Variants in LRFN5 observed in about 807,000 individuals in gnomAD.
LRFN5 encodes the protein leucine rich repeat and fibronectin type III domain containing 5.
LRFN5 carries 24 observed loss-of-function variants against 45.6 expected under a neutral mutation model. The ratio of observed to expected loss-of-function variants is 0.53; its 90% CI spans 0.38 to 0.74. The LOEUF (loss-of-function observed/expected upper bound fraction) is 0.74. LRFN5 is among the 30% of genes least tolerant of loss of function. LRFN5 has a pLI of 0.00. For missense variants in LRFN5, 776 were observed against 861.5 expected (o/e 0.90, Z 1.24); for synonymous variants, 340 against 313.8 (o/e 1.08, Z -0.88).
At chr14:41,768,354 T>A (rs979383649) in intron 2 of LRFN5, among the ~76,000 whole-genome samples, 1 of 152,158 alleles carries the variant, frequency 6.6e-6, no homozygotes, top group Admixed American at 6.5e-5. Flanking sequence ...TGAGGTTAAT[T>A]GATTATAAAT....
intron 1 of LRFN5, among the ~76,000 whole-genome samples, chr14:41,621,323 C>G (rs180832173): frequency 2.1e-4 from 32 of 152,154 alleles, no homozygotes; most frequent in Admixed American, 1.3e-3. Context: ...CTTTCTTGAA[C>G]AGGGTGATTG....
At chr14:41,756,822 G>T (rs181165346) in intron 1 of LRFN5, among the ~76,000 whole-genome samples, 3 of 152,274 alleles carry the variant, frequency 2.0e-5, no homozygotes, top group Admixed American at 2.0e-4. Flanking sequence ...CCTTGGAGGA[G>T]GAGAGGTGCT....
At chr14:41,717,074 T>C (rs1273781773) in intron 1 of LRFN5, among the ~76,000 whole-genome samples, 3 of 152,304 alleles carry the variant, frequency 2.0e-5, no homozygotes, top group Middle Eastern at 6.8e-3. Flanking sequence ...AGGCTCATGA[T>C]AGCAATGGTC....
At chr14:41,710,418 G>A (rs959379928) in intron 1 of LRFN5, among the ~76,000 whole-genome samples, 2 of 151,778 alleles carry the variant, frequency 1.3e-5, no homozygotes, top group Admixed American at 6.6e-5. Flanking sequence ...AATACCTAAC[G>A]TGGTTATATC....
intron 1 of LRFN5, among the ~76,000 whole-genome samples, chr14:41,670,709 A>G (rs1881168512): frequency 1.3e-5 from 2 of 151,940 alleles, no homozygotes; most frequent in South Asian, 2.1e-4. Flanking sequence ...GGATTTATCC[A>G]TCATTTTTAT....
intron 2 of LRFN5, among the ~76,000 whole-genome samples, chr14:41,799,839 A>T (rs1485502548): frequency 6.6e-6 from 1 of 151,876 alleles, no homozygotes; most frequent in Non-Finnish European, 1.5e-5. Context: ...AATGGGTGGT[A>T]TTTAGTATTT....
intron 2 of LRFN5, among the ~76,000 whole-genome samples, chr14:41,827,121 G>A (rs1888325972): frequency 6.6e-6 from 1 of 151,992 alleles, no homozygotes; most frequent in Admixed American, 6.6e-5. Flanking sequence ...TATACCTGAA[G>A]GATAGAAATT....
chr14:41,681,397 G>A (rs1192243471), intron 1 of LRFN5, among the ~76,000 whole-genome samples: 1 of 152,092 alleles, frequency 6.6e-6, no homozygotes, highest in Non-Finnish European at 1.5e-5. Flanking sequence ...AACATAAAAT[G>A]TAGCTCCACT....
intron 1 of LRFN5, among the ~76,000 whole-genome samples, chr14:41,674,778 CG>C (rs1283813119): frequency 1.3e-5 from 2 of 151,002 alleles, no homozygotes; most frequent in African/African-American, 4.9e-5. Context: ...GGGTGGCTGC[CG>C]GGCGGAGAGG....
chr14:41,689,430 T>C (rs1329051991), intron 1 of LRFN5, among the ~76,000 whole-genome samples: 2 of 152,076 alleles, frequency 1.3e-5, no homozygotes, highest in African/African-American at 2.4e-5. Flanking sequence ...AAATCACTAC[T>C]GATCTTACAG....
At chr14:41,682,496 A>G (rs1304656374) in intron 1 of LRFN5, among the ~76,000 whole-genome samples, 1 of 152,136 alleles carries the variant, frequency 6.6e-6, no homozygotes, top group Non-Finnish European at 1.5e-5. Context: ...AATAAATGAA[A>G]TTGAAATGAA....
At chr14:41,753,413 C>G (rs2138849072) in intron 1 of LRFN5, among the ~76,000 whole-genome samples, 1 of 152,222 alleles carries the variant, frequency 6.6e-6, no homozygotes, top group African/African-American at 2.4e-5. Flanking sequence ...GAATGTTCTT[C>G]CATTTGTTTG....
intron 2 of LRFN5, among the ~76,000 whole-genome samples, chr14:41,852,198 C>T (rs1889291582): frequency 6.6e-6 from 1 of 151,772 alleles, no homozygotes; most frequent in Non-Finnish European, 1.5e-5. Context: ...TTAGAAAGTA[C>T]TCTATGAACA....
intron 1 of LRFN5, among the ~76,000 whole-genome samples, chr14:41,666,597 A>G (rs1463936932): frequency 6.6e-6 from 1 of 152,178 alleles, no homozygotes; most frequent in Non-Finnish European, 1.5e-5. Flanking sequence ...AATGCAAGAT[A>G]GAGTTAATTT....
chr14:41,625,430 G>C (rs531625486), intron 1 of LRFN5, among the ~76,000 whole-genome samples: 1 of 152,242 alleles, frequency 6.6e-6, no homozygotes, highest in Non-Finnish European at 1.5e-5. Context: ...TGCCACGGTT[G>C]TAAGTTTCCT....
intron 1 of LRFN5, among the ~76,000 whole-genome samples, chr14:41,716,022 C>T (rs1883479298): frequency 1.3e-5 from 2 of 152,202 alleles, no homozygotes; most frequent in South Asian, 4.1e-4. Flanking sequence ...AGGCTCAACA[C>T]CACGTGGAAG....
intron 2 of LRFN5, among the ~76,000 whole-genome samples, chr14:41,852,821 A>G (rs534105903): frequency 2.6e-5 from 4 of 152,002 alleles, no homozygotes; most frequent in Admixed American, 6.6e-5. Context: ...TTTTTCACCA[A>G]TGAAATGTCA....
At chr14:41,747,682 A>C (rs1884976666) in intron 1 of LRFN5, among the ~76,000 whole-genome samples, 6 of 152,036 alleles carry the variant, frequency 3.9e-5, no homozygotes, top group Admixed American at 3.9e-4. Flanking sequence ...AATCATGAAC[A>C]TTTTTTAAAG....
At chr14:41,633,647 T>C (rs993458633) in intron 1 of LRFN5, among the ~76,000 whole-genome samples, 1 of 152,146 alleles carries the variant, frequency 6.6e-6, no homozygotes, top group East Asian at 1.9e-4. Flanking sequence ...TATGACATTA[T>C]GTGTCACAAA....
Sources: allele counts gnomAD v4.1 joint callset (sites outside exome capture counted in the v4.1 genomes callset), GRCh38; gene constraint gnomAD v4.1.1; transcripts MANE v1.5; gene names NCBI Gene and HGNC (gene_info 2026-07-23, HGNC 2026-07-21).